The following IL1RAPL2 variants were observed in gnomAD, a reference collection of about 807,000 sequenced individuals.
IL1RAPL2 encodes the protein interleukin 1 receptor accessory protein like 2, also known as X-linked interleukin-1 receptor accessory protein-like 2.
A neutral mutation model predicts 44.1 loss-of-function variants in IL1RAPL2; 3 were observed. That is an observed-to-expected ratio of 0.07 (90% CI 0.03 to 0.18). IL1RAPL2 has a LOEUF of 0.18. Among genes scored for constraint, IL1RAPL2 ranks in the 10% least tolerant of loss-of-function variants. The probability of loss-of-function intolerance (pLI) is 1.00; values close to 1 mark genes in which losing one functional copy is unlikely to be tolerated. For missense variants in IL1RAPL2, 391 were observed against 496.4 expected, an observed-to-expected ratio of 0.79 and a Z score of 2.02; for synonymous variants, 181 against 178.8, an observed-to-expected ratio of 1.01 and a Z score of -0.10.
chrX:104,633,970 T>G (rs1177927731), intron 1 of IL1RAPL2, among the ~76,000 whole-genome samples: 1 of 111,564 alleles, frequency 9.0e-6, no homozygotes, highest in Non-Finnish European at 1.9e-5. Flanking sequence ...TGCTTTCTCT[T>G]TTGGGCATTT....
At chrX:105,272,930 C>T (rs1462122207) in intron 5 of IL1RAPL2, among the ~76,000 whole-genome samples, 1 of 111,604 alleles carries the variant, frequency 9.0e-6, no homozygotes, top group Admixed American at 9.5e-5. Context: ...TTTTTGTGGT[C>T]CTGGCTCTTA....
chrX:104,924,735 G>A (rs1216869203), intron 2 of IL1RAPL2, among the ~76,000 whole-genome samples: 3 of 110,711 alleles, frequency 2.7e-5, no homozygotes, highest in South Asian at 3.8e-4. Context: ...AAATGCCTAC[G>A]TCAAAAAGGT....
chrX:105,708,677 ATAGACCTAACTTTG>A (rs1386536525), intron 6 of IL1RAPL2, among the ~76,000 whole-genome samples: 1 of 112,004 alleles, frequency 8.9e-6, no homozygotes, highest in African/African-American at 3.2e-5. Context: ...AGCTGCTAGA[ATAGACCTAACTTTG>A]TAAGCTTTAA....
At chrX:105,131,694 A>G (rs1217075906) in intron 2 of IL1RAPL2, among the ~76,000 whole-genome samples, 1 of 110,981 alleles carries the variant, frequency 9.0e-6, no homozygotes, top group African/African-American at 3.3e-5. Flanking sequence ...CATTACATAG[A>G]AAACAAGTTA....
chrX:105,552,844 A>T (rs747584597), intron 6 of IL1RAPL2, among the ~76,000 whole-genome samples: 1 of 112,494 alleles, frequency 8.9e-6, no homozygotes, highest in South Asian at 3.7e-4. Flanking sequence ...AACAAAAAAA[A>T]TTTCAATTAC....
At chrX:104,909,238 C>G (rs1213866254) in intron 2 of IL1RAPL2, among the ~76,000 whole-genome samples, 1 of 111,479 alleles carries the variant, frequency 9.0e-6, no homozygotes, top group Non-Finnish European at 1.9e-5. Context: ...TCTAGTTATA[C>G]ATTCTTCTAA....
chrX:104,809,644 G>C (rs1413798186), intron 2 of IL1RAPL2, among the ~76,000 whole-genome samples: 1 of 109,524 alleles, frequency 9.1e-6, no homozygotes, highest in Admixed American at 9.7e-5. Context: ...TGTCAGATGA[G>C]TAGGTTGCGA....
intron 2 of IL1RAPL2, among the ~76,000 whole-genome samples, chrX:104,888,153 G>A (rs1451456279): frequency 1.8e-5 from 2 of 110,189 alleles, no homozygotes; most frequent in African/African-American, 6.6e-5. Flanking sequence ...AAAAGGGGAA[G>A]CAGAAGGGAG....
At chrX:104,878,500 C>G (rs1243718532) in intron 2 of IL1RAPL2, among the ~76,000 whole-genome samples, 1 of 112,017 alleles carries the variant, frequency 8.9e-6, no homozygotes, top group African/African-American at 3.2e-5. Flanking sequence ...ATGCATTTGT[C>G]TACTCTATTA....
At chrX:105,066,696 C>T (rs2032141409) in intron 2 of IL1RAPL2, among the ~76,000 whole-genome samples, 1 of 111,657 alleles carries the variant, frequency 9.0e-6, no homozygotes, top group African/African-American at 3.3e-5. Context: ...TCCGTCGACA[C>T]ATATTTTAAG....
At chrX:104,621,450 C>T (rs1452304058) in intron 1 of IL1RAPL2, among the ~76,000 whole-genome samples, 4 of 108,733 alleles carry the variant, frequency 3.7e-5, no homozygotes, top group African/African-American at 1.3e-4. Flanking sequence ...CTGCAGCCTG[C>T]TCCCCTGAGA....
intron 6 of IL1RAPL2, among the ~76,000 whole-genome samples, chrX:105,709,872 A>G (rs1249415171): frequency 3.6e-5 from 4 of 111,664 alleles, no homozygotes; most frequent in African/African-American, 1.3e-4. Flanking sequence ...AAATTCAGTA[A>G]CAGAAACTTC....
chrX:105,507,399 G>T (rs1569448839), intron 6 of IL1RAPL2, among the ~76,000 whole-genome samples: 1 of 111,607 alleles, frequency 9.0e-6, no homozygotes, highest in Non-Finnish European at 1.9e-5. Context: ...TACTGAGAAG[G>T]TCAAAATAAT....
At chrX:104,580,717 C>T (rs997722996) in intron 1 of IL1RAPL2, among the ~76,000 whole-genome samples, 47 of 112,184 alleles carry the variant, frequency 4.2e-4, no homozygotes, top group Non-Finnish European at 4.1e-4. Context: ...TTTAGGACCC[C>T]AAGGCAGAAA....
At chrX:104,939,264 C>T (rs1284779023) in intron 2 of IL1RAPL2, among the ~76,000 whole-genome samples, 2 of 110,452 alleles carry the variant, frequency 1.8e-5, no homozygotes, top group East Asian at 5.7e-4. Context: ...GCCATGTTGG[C>T]CAGGGTGGTC....
intron 2 of IL1RAPL2, among the ~76,000 whole-genome samples, chrX:104,912,643 G>C (rs1013315983): frequency 3.6e-5 from 4 of 111,590 alleles, no homozygotes; most frequent in Admixed American, 9.6e-5. Context: ...GTGTCTATCA[G>C]CAAATATGGT....
intron 2 of IL1RAPL2, among the ~76,000 whole-genome samples, chrX:104,742,063 G>A (rs1932109069): frequency 9.0e-6 from 1 of 110,843 alleles, no homozygotes; most frequent in African/African-American, 3.3e-5. Flanking sequence ...GGTACATGAG[G>A]AGAAAAAGCA....
intron 2 of IL1RAPL2, among the ~76,000 whole-genome samples, chrX:104,675,092 A>G (rs1378158333): frequency 4.5e-5 from 5 of 110,352 alleles, no homozygotes; most frequent in African/African-American, 1.7e-4. Context: ...TTGTGTCTCT[A>G]TTTCCTTCAG....
intron 2 of IL1RAPL2, among the ~76,000 whole-genome samples, chrX:104,855,299 G>A (rs1469294958): frequency 9.0e-6 from 1 of 111,694 alleles, no homozygotes; most frequent in East Asian, 2.8e-4. Flanking sequence ...TGGAGCTACT[G>A]AGTCAGACTC....
Sources: gnomAD v4.1 joint callset for allele counts (sites outside exome capture counted in the v4.1 genomes callset) on GRCh38, gnomAD v4.1.1 for gene constraint, MANE v1.5 for transcripts, NCBI Gene and HGNC (gene_info 2026-07-23, HGNC 2026-07-21) for gene names.